Variants in CR1 observed in about 807,000 individuals in gnomAD.
CR1 encodes complement receptor type 1.
In CR1, 116 loss-of-function variants were observed where a neutral mutation model predicts 187.3. The observed-to-expected ratio is 0.62, with a 90% CI of 0.53 to 0.72. CR1 has a LOEUF of 0.72. Among genes scored for constraint, CR1 ranks in the 30% least tolerant of loss-of-function variants. The probability of loss-of-function intolerance (pLI) is 0.00; values close to 1 mark genes in which losing one functional copy is unlikely to be tolerated. For synonymous variants in CR1, 576 were observed against 747.1 expected, an observed-to-expected ratio of 0.77 and a Z score of 3.73; for missense variants, 1,731 against 2,110.7, an observed-to-expected ratio of 0.82 and a Z score of 3.52.
At chr1:207,503,844 T>C (rs1659347845) in intron 1 of CR1, among the ~76,000 whole-genome samples, 1 of 152,242 alleles carries the variant, frequency 6.6e-6, no homozygotes, top group African/African-American at 2.4e-5. Flanking sequence ...AGGGAGTTCA[T>C]TACCATTAGG....
At chr1:207,525,657 A>G (rs1397602935) in intron 5 of CR1, among the ~76,000 whole-genome samples, 2 of 152,064 alleles carry the variant, frequency 1.3e-5, no homozygotes, top group East Asian at 3.8e-4. Context: ...GAGCCCAGCT[A>G]TCAAGGAAGA....
rs374281717 is a variant in CR1, at chr1:207,609,406, G to A, written c.6013G>A (p.Glu2005Lys). ...CCAGTGCCACACTGGACCAGATGGA[G>A]AACAGCTGTTTGAGCTTGTGGGAGA... Reference protein sequence around the residue: ...TYQCHTGPDGEQLFELVGERS... With the variant: ...TYQCHTGPDGKQLFELVGERS... The change falls in exon 37 of 47, where the codon GAA becomes AAA. Residue 2005 changes from glutamate (E) to lysine (K), a missense_variant. By Grantham distance (56) the Glu-to-Lys change is moderately conservative. Around this residue, in one of 5 missense-constraint regions of CR1, gnomAD observed 1,312 missense variants for 1,379.6 expected, o/e 0.95. Coordinates refer to ENST00000367049, the MANE Select transcript of CR1 (RefSeq NM_000651.6). 6.2e-7 allele frequency: 1 copy of A among 1,613,878 alleles called. No homozygotes were observed. The highest frequency in any genetic ancestry group is 1.3e-5 in the African/African-American group (1 of 74,918).
At chr1:207,618,381 C>G in intron 42 of CR1, 134 bp downstream of exon 42, 2 of 779,168 alleles carry the variant, frequency 2.6e-6, no homozygotes, top group Non-Finnish European at 4.1e-6. Context: ...GCTTTCTTTT[C>G]ATTTACATAA....
chr1:207,573,658 T>C (rs1180218674), intron 27 of CR1, among the ~76,000 whole-genome samples: 4 of 152,132 alleles, frequency 2.6e-5, no homozygotes, highest in African/African-American at 9.7e-5. Flanking sequence ...CAAATACTTC[T>C]GTGAAACTAG....
intron 23 of CR1, among the ~76,000 whole-genome samples, chr1:207,564,529 G>T (rs112052441): frequency 0.018 from 2,692 of 150,276 alleles, 337 homozygotes; most frequent in African/African-American, 0.064. Flanking sequence ...GCCAGGCACG[G>T]TGGCTCACGT....
chr1:207,640,170 G>GT lies in CR1; in HGVS notation c.*762dup, dbSNP rs1418652515. Reference sequence around the variant, plus strand: ...GTCTGGCTCTGTCTCCCAGGCTGGAGTGCAGTGGCGTAATCTCGGCTCACT... The same window carrying GT: ...GTCTGGCTCTGTCTCCCAGGCTGGAGTTGCAGTGGCGTAATCTCGGCTCACT... On this transcript the variant is annotated 3_prime_UTR_variant, in exon 47 of 47. Coordinates refer to ENST00000367049, the MANE Select transcript of CR1 (RefSeq NM_000651.6). The GT allele has an allele frequency of 6.6e-6, 1 of 152,184 alleles. No homozygotes were observed. Among genetic ancestry groups the GT allele is most frequent in the East Asian group, 1.9e-4 (1 of 5,204 alleles). 9.4% of individuals were successfully genotyped at this position (152,184 alleles called of 1,614,324 possible). A position where few individuals can be genotyped will look rare whatever the true frequency, so the allele number is the denominator to read the frequency against.
Position 207,616,648 on chromosome 1 carries a change from T to C in CR1, c.6735T>C (p.Tyr2245=). 1.2e-6 allele frequency: 2 copies of C among 1,613,820 alleles called. No individual in the cohort carries two copies. Among genetic ancestry groups the C allele is most frequent in the Non-Finnish European group, 1.7e-6 (2 of 1,179,758 alleles). ...GAACTCCCTTTGGAGATATTCCCTA[T>C]GGAAAAGAAATATCTTACGCATGCG... ...HTGTPFGDIP[Y]GKEISYACDT... The change falls in exon 41 of 47, where the codon TAT becomes TAC. Residue 2245 remains tyrosine (Y), a synonymous_variant. Coordinates refer to ENST00000367049, the MANE Select transcript of CR1 (RefSeq NM_000651.6).
intron 45 of CR1, among the ~76,000 whole-genome samples, chr1:207,623,911 CTTTTTTTTTTTTTTTTTTTTT>C (rs71154830): frequency 1.9e-5 from 1 of 52,474 alleles, no homozygotes; most frequent in Non-Finnish European, 3.4e-5. Context: ...ACACCATTAA[CTTTTTTTTTTTTTTTTTTTTT>C]TTTTTTTTTT....
intron 35 of CR1, among the ~76,000 whole-genome samples, chr1:207,596,464 A>G (rs1004417953): frequency 1.3e-5 from 2 of 151,902 alleles, no homozygotes; most frequent in Admixed American, 6.6e-5. Context: ...AAAATACAAA[A>G]TTAGCCAGGT....
At chr1:207,579,768 A>G (rs1230255007) in intron 29 of CR1, among the ~76,000 whole-genome samples, 2 of 152,216 alleles carry the variant, frequency 1.3e-5, no homozygotes, top group Non-Finnish European at 2.9e-5. Context: ...TGCAAGAAGC[A>G]GTGCCTTTCA....
At chr1:207,583,049 C>T (rs1661010604) in intron 32 of CR1, among the ~76,000 whole-genome samples, 1 of 152,164 alleles carries the variant, frequency 6.6e-6, no homozygotes, top group Non-Finnish European at 1.5e-5. Flanking sequence ...AAGAGATCTT[C>T]ACCTAGGGAG....
chr1:207,610,025 C>G (rs1422770943), intron 37 of CR1, among the ~76,000 whole-genome samples: 1 of 152,070 alleles, frequency 6.6e-6, no homozygotes, highest in Non-Finnish European at 1.5e-5. Flanking sequence ...TCATAATGTA[C>G]AGTGGAATGT....
chr1:207,501,326 T>C (rs1406951048), intron 1 of CR1, among the ~76,000 whole-genome samples: 3 of 152,260 alleles, frequency 2.0e-5, no homozygotes, highest in Non-Finnish European at 2.9e-5. Context: ...ATTTTGGTGA[T>C]GGTTTCACAA....
chr1:207,606,090 A>T (rs1661742436), intron 35 of CR1: 1 of 152,228 alleles, frequency 6.6e-6, no homozygotes, highest in South Asian at 2.1e-4. Flanking sequence ...GGTTTATACG[A>T]TGACTCCATA....
intron 1 of CR1, among the ~76,000 whole-genome samples, chr1:207,498,278 G>A (rs1659152609): frequency 1.3e-5 from 2 of 152,196 alleles, no homozygotes; most frequent in African/African-American, 2.4e-5. Context: ...ACCGAAAAGC[G>A]AGAAATCTCA....
In CR1 at chr1:207,609,621, A is replaced by G. The variant is rs759557615; in HGVS notation, c.6228A>G (p.Val2076=). The change falls in exon 37 of 47, where the codon GTA becomes GTG. Residue 2076 remains valine, a synonymous_variant. Coordinates refer to ENST00000367049, the MANE Select transcript of CR1 (RefSeq NM_000651.6). ...GATGTCAGCCCGGGTTTGTCATGGTAGGGTCCCACACTGTGCAGTGCCAGA... is the reference window on the plus strand; with the variant it reads ...GATGTCAGCCCGGGTTTGTCATGGTGGGGTCCCACACTGTGCAGTGCCAGA... The part of the protein sequence containing the change: ...RFRCQPGFVM[V]GSHTVQCQTN... The G allele has an allele frequency of 1.7e-5, 28 of 1,611,162 alleles. No homozygotes were observed. The highest frequency in any genetic ancestry group is 2.3e-5 in the Non-Finnish European group (27 of 1,178,648).
rs1332301171 is a variant in CR1, at chr1:207,617,507, A to ATATATATATATATGTG, written c.6890-563_6890-562insATATATATATATGTGT. On this transcript the variant is annotated intron_variant, in intron 41 of 46. Coordinates refer to ENST00000367049, the MANE Select transcript of CR1 (RefSeq NM_000651.6). ...AGTATATATATATATATATATATAT[A>ATATATATATATATGTG]TGTGTGTGTGTGTGTGTGTGTGTGT... 8.9e-4 allele frequency among the ~76,000 whole-genome samples: 42 copies of ATATATATATATATGTG among 47,024 alleles called. 2 individuals carry two copies. Among genetic ancestry groups the ATATATATATATATGTG allele is most frequent in the East Asian group, 7.4e-3 (16 of 2,176 alleles). The allele number at this position is 47,024 out of a possible 152,430, so 30.8% of individuals were successfully genotyped here.
intron 45 of CR1, among the ~76,000 whole-genome samples, chr1:207,626,325 G>C (rs1376854779): frequency 6.6e-6 from 1 of 152,226 alleles, no homozygotes; most frequent in African/African-American, 2.4e-5. Flanking sequence ...TCAGAAGGCA[G>C]AGGTCCCTTC....
chr1:207,578,169 C>A lies in CR1; in HGVS notation c.4902C>A (p.Asn1634Lys). Residue 1634 changes from asparagine (N) to lysine (K), a missense_variant, in exon 29 of 47, where the codon AAC becomes AAA. Asn to Lys is a moderately conservative substitution (Grantham distance 94). This residue lies in a region of CR1 where 1,312 missense variants were observed against 1,379.6 expected (regional missense o/e 0.95). Transcript: ENST00000367049. ...GPRRVKCQAL[N>K]KWEPELPSCS... ...GCCGTGTGAAGTGCCAGGCCCTGAA[C>A]AAATGGGAGCCAGAGTTACCAAGCT... 1.9e-6 allele frequency: 3 copies of A among 1,611,856 alleles called. No individual in the cohort carries two copies. The highest frequency in any genetic ancestry group is 2.5e-6 in the Non-Finnish European group (3 of 1,179,718).
Sources: gnomAD v4.1 joint callset for allele counts (sites outside exome capture counted in the v4.1 genomes callset) on GRCh38, gnomAD v4.1.1 for gene constraint, gnomAD v4.1.1 regional missense constraint, MANE v1.5 for transcripts, NCBI Gene and HGNC (gene_info 2026-07-23, HGNC 2026-07-21) for gene names.